The following SCD variants were observed in gnomAD, a reference collection of about 807,000 sequenced individuals.
SCD encodes the protein acyl-CoA desaturase.
In SCD, 4 loss-of-function variants were observed where a neutral mutation model predicts 35.7. The ratio of observed to expected loss-of-function variants is 0.11; its 90% CI spans 0.06 to 0.26. The LOEUF is 0.26. Ranked by LOEUF, SCD falls within the 10% of genes least tolerant of loss-of-function variation. SCD has a pLI of 1.00. For missense variants in SCD, 282 were observed against 460.7 expected, an observed-to-expected ratio of 0.61 and a Z score of 3.55; for synonymous variants, 150 against 170.2, an observed-to-expected ratio of 0.88 and a Z score of 0.92.
Position 100,348,194 on chromosome 10 carries a change from A to T in SCD, c.158A>T (p.Asp53Val). ...GACATTCGCCCTGATATAAAAGATG[A>T]TATATATGACCCCACCTACAAGGAT... is the stretch of plus-strand genomic sequence containing the variant. ...EDDIRPDIKD[D>V]IYDPTYKDKE... Residue 53 changes from aspartate (D) to valine (V), a missense_variant, in exon 2 of 6, where the codon GAT becomes GTT. By Grantham distance (152) the Asp-to-Val change is radical (BLOSUM62 -3). Coordinates refer to ENST00000370355, the MANE Select transcript of SCD (RefSeq NM_005063.5). The T allele has an allele frequency of 1.2e-6, 2 of 1,614,012 alleles. No individual in the cohort carries two copies. The highest frequency in any genetic ancestry group is 1.7e-6 in the Non-Finnish European group (2 of 1,179,998).
Position 100,363,706 on chromosome 10 carries a change from C to T in SCD, c.*2773C>T, listed in dbSNP as rs1307754720. On this transcript the variant is annotated 3_prime_UTR_variant, in exon 6 of 6. Transcript: ENST00000370355. ...GCTGAGGGCCCCAATGTATGTGTGG[C>T]TGTGGGTGTGGGTGGGAGTGTGTCT... is the stretch of plus-strand genomic sequence containing the variant. 1 of 152,580 alleles carries T rather than the reference C, an allele frequency of 6.6e-6. No homozygotes were observed. Among genetic ancestry groups the T allele is most frequent in the African/African-American group, 2.4e-5 (1 of 41,396 alleles). The allele number at this position is 152,580 out of a possible 1,614,324, so 9.5% of individuals were successfully genotyped here. A position where few individuals can be genotyped will look rare whatever the true frequency, so the allele number is the denominator to read the frequency against.
In SCD at chr10:100,359,787, G is replaced by A. The variant is rs1000624603; in HGVS notation, c.881-947G>A. ...TATTCTTTATCCATGCCTGATTAGG[G>A]TCAGTATTATTTTTGGCTGTGGTTC... On this transcript the variant is annotated intron_variant, in intron 5 of 5. Transcript: ENST00000370355. Among the ~76,000 whole-genome samples, 42 of 152,138 alleles carry A rather than the reference G, an allele frequency of 2.8e-4. 1 individual carries two copies. The highest frequency in any genetic ancestry group is 7.4e-5 in the Non-Finnish European group (5 of 68,020).
At chr10:100,349,017 G>A (rs1049201593) in intron 2 of SCD, among the ~76,000 whole-genome samples, 1 of 152,172 alleles carries the variant, frequency 6.6e-6, no homozygotes, top group African/African-American at 2.4e-5. Context: ...ATGAAATCAG[G>A]CTGAAGATAT....
intron 2 of SCD, among the ~76,000 whole-genome samples, chr10:100,349,749 C>A (rs1357972857): frequency 6.6e-6 from 1 of 152,112 alleles, no homozygotes. Context: ...CATCTGCATA[C>A]CAGGAAGAGC....
intron 2 of SCD, among the ~76,000 whole-genome samples, chr10:100,350,529 T>C (rs1008412874): frequency 1.3e-5 from 2 of 152,098 alleles, no homozygotes; most frequent in South Asian, 4.1e-4. Context: ...CAATGAGATG[T>C]TGCTTAACCA....
At chr10:100,357,588 T>A (rs1370415403) in intron 5 of SCD, among the ~76,000 whole-genome samples, 1 of 152,148 alleles carries the variant, frequency 6.6e-6, no homozygotes, top group East Asian at 1.9e-4. Context: ...TGATCACAAG[T>A]TCCTGCTCAA....
intron 2 of SCD, among the ~76,000 whole-genome samples, chr10:100,350,597 T>G (rs1849860432): frequency 6.6e-6 from 1 of 152,160 alleles, no homozygotes; most frequent in Non-Finnish European, 1.5e-5. Context: ...TCCAACTGAT[T>G]TAAGCCCTTC....
chr10:100,363,922 C>CTGCAGAATCCCTT lies in SCD; in HGVS notation c.*2994_*3006dup, dbSNP rs1292677650. ...GCATATGAGCCTGCCCTCACTCCCT[C>CTGCAGAATCCCTT]TGCAGAATCCCTTTGCACCTGAGAC... On this transcript the variant is annotated 3_prime_UTR_variant, in exon 6 of 6. Transcript: ENST00000370355. 6.6e-6 allele frequency: 1 copy of CTGCAGAATCCCTT among 152,598 alleles called. No individual in the cohort carries two copies. Among genetic ancestry groups the CTGCAGAATCCCTT allele is most frequent in the Non-Finnish European group, 1.5e-5 (1 of 68,046 alleles). The allele number at this position is 152,598 out of a possible 1,614,324, so 9.5% of individuals were successfully genotyped here.
chr10:100,353,788 A>G (rs1017540276), intron 3 of SCD, among the ~76,000 whole-genome samples: 2 of 152,218 alleles, frequency 1.3e-5, no homozygotes, highest in Non-Finnish European at 2.9e-5. Flanking sequence ...TCTCTGCCAT[A>G]GCAGCTTATA....
intron 5 of SCD, among the ~76,000 whole-genome samples, chr10:100,357,762 C>A (rs1849943551): frequency 6.6e-6 from 1 of 151,772 alleles, no homozygotes; most frequent in Non-Finnish European, 1.5e-5. Context: ...CCCAAAGTAT[C>A]TACATTTTTT....
At position 100,361,130 on chromosome 10, in the gene SCD, T is replaced by C. The variant is rs1589700644; in HGVS notation, c.*197T>C. On this transcript the variant is annotated 3_prime_UTR_variant, in exon 6 of 6. Coordinates refer to ENST00000370355, the MANE Select transcript of SCD (RefSeq NM_005063.5). ...TATGATGCTAAGCTGATATTATTTC[T>C]TCTCTTATCCTCTCTCTCTTCTAGG... 2 of 587,416 alleles carry C rather than the reference T, an allele frequency of 3.4e-6. No individual in the cohort carries two copies. The highest frequency in any genetic ancestry group is 5.7e-5 in the East Asian group (2 of 34,874). The allele number at this position is 587,416 out of a possible 1,614,324, so 36.4% of individuals were successfully genotyped here.
chr10:100,354,344 G>A, intron 3 of SCD, 83 bp from the exon 4 acceptor site: 1 of 1,251,044 alleles, frequency 8.0e-7, no homozygotes, highest in Non-Finnish European at 1.2e-6. Flanking sequence ...TGAGCGCCTT[G>A]GGCTCTTGAT....
At chr10:100,360,689 A>G in intron 5 of SCD, 45 bp from the exon 6 acceptor site, 1 of 1,571,604 alleles carries the variant, frequency 6.4e-7, no homozygotes, top group Middle Eastern at 1.7e-4. Flanking sequence ...AAATCAAGAA[A>G]ACCTCAATGC....
At chr10:100,348,432 C>A in intron 2 of SCD, 86 bp downstream of exon 2, 2 of 1,318,236 alleles carry the variant, frequency 1.5e-6, no homozygotes, top group African/African-American at 1.5e-5. Context: ...AGGACACCAG[C>A]CCCTCCCAGC....
chr10:100,363,985 G>C lies in SCD; in HGVS notation c.*3052G>C, dbSNP rs199575627. The C allele has an allele frequency of 6.6e-6, 1 of 152,556 alleles. No individual in the cohort carries two copies. Among genetic ancestry groups the C allele is most frequent in the African/African-American group, 2.4e-5 (1 of 41,430 alleles). The allele number at this position is 152,556 out of a possible 1,614,324, so 9.5% of individuals were successfully genotyped here. On this transcript the variant is annotated 3_prime_UTR_variant, in exon 6 of 6. Coordinates refer to ENST00000370355, the MANE Select transcript of SCD (RefSeq NM_005063.5). Reference sequence around the variant, plus strand: ...GCTGGTAGAAAAAGGGGCCTGAGTGGAGGATTATCAGTATCACGATTTGCA... The same window carrying C: ...GCTGGTAGAAAAAGGGGCCTGAGTGCAGGATTATCAGTATCACGATTTGCA...
At position 100,364,696 on chromosome 10, in the gene SCD, T is replaced by A. The variant is rs1418526650; in HGVS notation, c.*3763T>A. 1 of 152,630 alleles carries A rather than the reference T, an allele frequency of 6.6e-6. No homozygotes were observed. The highest frequency in any genetic ancestry group is 1.9e-4 in the East Asian group (1 of 5,198). The allele number at this position is 152,630 out of a possible 1,614,324, so 9.5% of individuals were successfully genotyped here. ...CTGTGATTGGGTGGGATTTTTTCCC[T>A]TTTTATGTGGGATATAGTAGTTACT... On this transcript the variant is annotated 3_prime_UTR_variant, in exon 6 of 6. Transcript: ENST00000370355.
At chr10:100,359,565 C>T (rs553717493) in intron 5 of SCD, among the ~76,000 whole-genome samples, 1 of 152,284 alleles carries the variant, frequency 6.6e-6, no homozygotes, top group East Asian at 1.9e-4. Context: ...TACCTTTATT[C>T]CTGGCATTCT....
intron 5 of SCD, among the ~76,000 whole-genome samples, chr10:100,359,522 G>A (rs898250914): frequency 1.3e-5 from 2 of 152,038 alleles, no homozygotes; most frequent in African/African-American, 2.4e-5. Context: ...CAGCCCAGCT[G>A]CAAAACCATT....
Position 100,352,282 on chromosome 10 carries a change from T to A in SCD, c.311-84T>A, listed in dbSNP as rs542233326. ...CCCAAAGCCTGACGAAGACAGTTTC[T>A]AGCATCCAGAGAGTGTCTCTGGCAT... On this transcript the variant is annotated intron_variant, in intron 2 of 5. Coordinates refer to ENST00000370355, the MANE Select transcript of SCD (RefSeq NM_005063.5). The surrounding 1 kb of genome is among the most constrained non-coding windows in gnomAD (Gnocchi z 4.2). 3.9e-5 allele frequency: 55 copies of A among 1,416,068 alleles called. 1 individual carries two copies. In the South Asian group the frequency reaches 5.1e-4, roughly 13 times the overall value. The allele number at this position is 1,416,068 out of a possible 1,614,324, so 87.7% of individuals were successfully genotyped here.
Sources: gnomAD v4.1 joint callset for allele counts (sites outside exome capture counted in the v4.1 genomes callset) on GRCh38, gnomAD v4.1.1 for gene constraint, Gnocchi (gnomAD v3.1) non-coding constraint, MANE v1.5 for transcripts, NCBI Gene and HGNC (gene_info 2026-07-23, HGNC 2026-07-21) for gene names.